The following ERBB4 variants were observed in gnomAD, a reference collection of about 807,000 sequenced individuals.
ERBB4 encodes receptor tyrosine-protein kinase erbB-4.
A neutral mutation model predicts 158.0 loss-of-function variants in ERBB4; 42 were observed. That is an observed-to-expected ratio of 0.27 (90% confidence interval 0.21 to 0.34). The LOEUF (loss-of-function observed/expected upper bound fraction) is 0.34, where lower values mean the gene tolerates loss of function less well. ERBB4 is among the 10% of genes least tolerant of loss of function. The pLI, the probability that ERBB4 is intolerant of heterozygous loss-of-function variation, is 1.00. For missense variants in ERBB4, 1,333 were observed against 1,624.1 expected (o/e 0.82, Z 3.08); for synonymous variants, 583 against 558.7 (o/e 1.04, Z -0.61).
At chr2:211,734,023 T>C (rs1245991445) in intron 5 of ERBB4, among the ~76,000 whole-genome samples, 2 of 151,974 alleles carry the variant, frequency 1.3e-5, no homozygotes, top group Admixed American at 6.6e-5. Context: ...GCCTGGGCCA[T>C]GCAGCAGAAA....
intron 1 of ERBB4, among the ~76,000 whole-genome samples, chr2:212,298,478 T>C (rs1164075154): frequency 1.3e-5 from 2 of 151,648 alleles, no homozygotes; most frequent in East Asian, 1.9e-4. Flanking sequence ...TGGAAAATAG[T>C]TTTCCCTGAG....
chr2:212,018,533 T>C (rs970153162), intron 2 of ERBB4, among the ~76,000 whole-genome samples: 1 of 152,226 alleles, frequency 6.6e-6, no homozygotes, highest in Non-Finnish European at 1.5e-5. Flanking sequence ...CATTAATGTC[T>C]AGTTCATTGT....
intron 2 of ERBB4, among the ~76,000 whole-genome samples, chr2:212,101,350 CATATAT>C (rs56091369): frequency 7.0e-6 from 1 of 143,088 alleles, no homozygotes; most frequent in African/African-American, 2.6e-5. Flanking sequence ...ACACCCTATA[CATATAT>C]ATATATATAT....
At chr2:211,832,740 T>C (rs943904679) in intron 3 of ERBB4, among the ~76,000 whole-genome samples, 2 of 151,150 alleles carry the variant, frequency 1.3e-5, no homozygotes, top group Non-Finnish European at 2.9e-5. Flanking sequence ...CCATCCTGGA[T>C]AGAACAGGGA....
chr2:212,026,835 A>C (rs972500083), intron 2 of ERBB4, among the ~76,000 whole-genome samples: 4 of 151,892 alleles, frequency 2.6e-5, no homozygotes, highest in Non-Finnish European at 4.4e-5. Context: ...CACAAATAAA[A>C]ATATAACCAA....
At chr2:211,715,645 T>A (rs1204817204) in intron 7 of ERBB4, among the ~76,000 whole-genome samples, 1 of 151,994 alleles carries the variant, frequency 6.6e-6, no homozygotes, top group African/African-American at 2.4e-5. Flanking sequence ...TGAGTTAGCA[T>A]GAGATCTGGT....
intron 9 of ERBB4, among the ~76,000 whole-genome samples, chr2:211,709,235 GTATATATATATATATACACATA>G (rs1224889744): frequency 4.3e-4 from 44 of 103,208 alleles, no homozygotes; most frequent in Non-Finnish European, 3.0e-4. Flanking sequence ...GCGTGTGTGT[GTATATATATATATATACACATA>G]TATATATATA....
chr2:212,344,545 T>C (rs1032605910), intron 1 of ERBB4, among the ~76,000 whole-genome samples: 8 of 152,006 alleles, frequency 5.3e-5, no homozygotes, highest in Admixed American at 1.3e-4. Context: ...TACACACACA[T>C]AGCGAAGTAT....
intron 1 of ERBB4, among the ~76,000 whole-genome samples, chr2:212,253,664 G>A (rs1378053414): frequency 1.3e-5 from 2 of 152,126 alleles, no homozygotes; most frequent in Non-Finnish European, 2.9e-5. Context: ...CTCTGTTCTT[G>A]GCATTTGTGC....
intron 2 of ERBB4, among the ~76,000 whole-genome samples, chr2:212,058,778 A>C (rs1246026198): frequency 6.6e-6 from 1 of 152,240 alleles, no homozygotes; most frequent in Non-Finnish European, 1.5e-5. Context: ...TTAGGTATTG[A>C]TGGGACGTAT....
At chr2:211,390,297 G>T (rs752948859) in intron 25 of ERBB4, among the ~76,000 whole-genome samples, 7 of 152,172 alleles carry the variant, frequency 4.6e-5, no homozygotes, top group African/African-American at 7.2e-5. Context: ...TTGAGAATTT[G>T]CACTATCAAT....
chr2:212,326,878 C>A (rs760852792), intron 1 of ERBB4, among the ~76,000 whole-genome samples: 4 of 150,922 alleles, frequency 2.7e-5, no homozygotes, highest in Non-Finnish European at 4.5e-5. Context: ...TAGAGAATGG[C>A]TGAAAATTCA....
chr2:212,145,573 A>G (rs1448157244), intron 1 of ERBB4, among the ~76,000 whole-genome samples: 1 of 152,076 alleles, frequency 6.6e-6, no homozygotes, highest in African/African-American at 2.4e-5. Context: ...CAGTGATAAA[A>G]CAAGAAATTG....
intron 20 of ERBB4, among the ~76,000 whole-genome samples, chr2:211,493,187 T>TA (rs1315196242): frequency 4.6e-5 from 7 of 152,140 alleles, no homozygotes; most frequent in Admixed American, 4.6e-4. Context: ...TTTCTACAGT[T>TA]ACAGCATTTG....
intron 3 of ERBB4, among the ~76,000 whole-genome samples, chr2:211,795,543 C>T (rs541036327): frequency 6.6e-6 from 1 of 151,540 alleles, no homozygotes; most frequent in Non-Finnish European, 1.5e-5. Context: ...ATATAAAAAT[C>T]TGGCTAGGTT....
chr2:211,905,951 C>T (rs888656871), intron 3 of ERBB4, among the ~76,000 whole-genome samples: 5 of 151,066 alleles, frequency 3.3e-5, no homozygotes, highest in Admixed American at 3.3e-4. Context: ...GCCAGGAGGC[C>T]AGGACAGTAT....
At chr2:212,375,348 T>A (rs1187984171) in intron 1 of ERBB4, among the ~76,000 whole-genome samples, 1 of 152,148 alleles carries the variant, frequency 6.6e-6, no homozygotes, top group African/African-American at 2.4e-5. Flanking sequence ...CATGTATAAC[T>A]AAATCAATGT....
chr2:212,225,636 TA>T (rs1353187444), intron 1 of ERBB4, among the ~76,000 whole-genome samples: 1 of 149,246 alleles, frequency 6.7e-6, no homozygotes, highest in Non-Finnish European at 1.5e-5. Context: ...TCATATGTAA[TA>T]TTTATATATT....
At chr2:211,659,351 A>C (rs2071335249) in intron 15 of ERBB4, among the ~76,000 whole-genome samples, 1 of 152,118 alleles carries the variant, frequency 6.6e-6, no homozygotes, top group Non-Finnish European at 1.5e-5. Context: ...ACTAGAGTAC[A>C]TAGCATTAAA....
Sources: gnomAD v4.1 joint callset for allele counts (sites outside exome capture counted in the v4.1 genomes callset) on GRCh38, gnomAD v4.1.1 for gene constraint, MANE v1.5 for transcripts, NCBI Gene and HGNC (gene_info 2026-07-23, HGNC 2026-07-21) for gene names.